SOCS4: variants seen among roughly 807,000 people sequenced by gnomAD.
SOCS4 encodes suppressor of cytokine signaling 4.
In SOCS4, 20 loss-of-function variants were observed where a neutral mutation model predicts 34.1. That is an observed-to-expected ratio of 0.59 (90% CI 0.41 to 0.85). SOCS4 has a LOEUF of 0.85. SOCS4 is among the 40% of genes least tolerant of loss of function. The probability of loss-of-function intolerance (pLI) is 0.00; values close to 1 mark genes in which losing one functional copy is unlikely to be tolerated. For synonymous variants in SOCS4, 180 were observed against 186.4 expected (o/e 0.97, Z 0.28); for missense variants, 479 against 532.4 (o/e 0.90, Z 0.99).
intron 1 of SOCS4, among the ~76,000 whole-genome samples, chr14:55,031,450 C>G (rs2042528157): frequency 6.6e-6 from 1 of 152,188 alleles, no homozygotes; most frequent in African/African-American, 2.4e-5. Flanking sequence ...CTCCTGGGAA[C>G]GTTTGCTAAA....
intron 2 of SOCS4, among the ~76,000 whole-genome samples, chr14:55,040,104 T>G (rs2140247026): frequency 6.6e-6 from 1 of 152,376 alleles, no homozygotes; most frequent in East Asian, 1.9e-4. Context: ...TTGTTGCTTC[T>G]AATTTTTGTT....
Position 55,047,817 on chromosome 14 carries a change from C to T in SOCS4, c.*3453C>T, listed in dbSNP as rs924773484. On this transcript the variant is annotated 3_prime_UTR_variant, in exon 3 of 3. Transcript: ENST00000555846. ...ATTATCATTTATTCATGAGCCAAAG[C>T]CATTAAGAAGATAAATCCAGTTATC... The T allele has an allele frequency of 1.1e-4, 18 of 167,186 alleles. No homozygotes were observed. Among genetic ancestry groups the T allele is most frequent in the African/African-American group, 4.1e-4 (17 of 41,570 alleles). The allele number at this position is 167,186 out of a possible 1,614,324, so 10.4% of individuals were successfully genotyped here. A position where few individuals can be genotyped will look rare whatever the true frequency, so the allele number is the denominator to read the frequency against.
At position 55,043,495 on chromosome 14, in the gene SOCS4, GCTC is replaced by G. The variant is rs1243504440; in HGVS notation, c.457_459del (p.Pro153del). 2 of 1,614,042 alleles carry G rather than the reference GCTC, an allele frequency of 1.2e-6. No individual in the cohort carries two copies. The highest frequency in any genetic ancestry group is 1.7e-6 in the Non-Finnish European group (2 of 1,180,038). On this transcript the variant is annotated inframe_deletion, in exon 3 of 3. Transcript: ENST00000555846. ...GTGGCATTTTATTAAACGACACACT[GCTC>G]CTATAAATTCCAAATCAGATGAATG...
chr14:55,038,083 G>A (rs1043841551), intron 2 of SOCS4, among the ~76,000 whole-genome samples: 3 of 152,184 alleles, frequency 2.0e-5, no homozygotes, highest in Admixed American at 6.5e-5. Context: ...GAAGGTGAAT[G>A]AGGAGCAAAG....
chr14:55,042,843 T>G, intron 2 of SOCS4, 109 bp from the exon 3 acceptor site: 1 of 511,186 alleles, frequency 2.0e-6, no homozygotes, highest in Non-Finnish European at 3.4e-6. Context: ...CAACATCTCT[T>G]TTTCATGTAC....
intron 2 of SOCS4, among the ~76,000 whole-genome samples, chr14:55,032,520 A>G (rs2042536717): frequency 6.6e-6 from 1 of 152,052 alleles, no homozygotes; most frequent in Admixed American, 6.6e-5. Context: ...TTTGCTCATT[A>G]AGAAATATGA....
chr14:55,044,033 T>C lies in SOCS4; in HGVS notation c.992T>C (p.Leu331Pro). 1.2e-6 allele frequency: 2 copies of C among 1,614,170 alleles called. No homozygotes were observed. Among genetic ancestry groups the C allele is most frequent in the Non-Finnish European group, 1.7e-6 (2 of 1,180,002 alleles). Residue 331 changes from leucine to proline, a missense_variant, in exon 3 of 3, where the codon CTT (leucine) becomes CCT (proline). Coordinates refer to ENST00000555846, the MANE Select transcript of SOCS4 (RefSeq NM_199421.2). Reference protein sequence around the residue: ...SVSFRRYSRSLHARIEQWNHN... With the variant: ...SVSFRRYSRSPHARIEQWNHN... ...AGTTTTAGACGCTATAGTCGTTCTC[T>C]TCATGCTAGAATTGAACAGTGGAAT...
chr14:55,037,031 A>G (rs111251602), intron 2 of SOCS4, among the ~76,000 whole-genome samples: 3,228 of 152,140 alleles, frequency 0.021, 111 homozygotes, highest in African/African-American at 0.074. Flanking sequence ...CAGGAGGATC[A>G]CTTGAGCCCT....
In SOCS4 at chr14:55,034,777, G is replaced by A. The variant is rs1466571408; in HGVS notation, c.-91+2786G>A. Among the ~76,000 whole-genome samples the A allele has an allele frequency of 6.7e-5, 10 of 149,878 alleles. No homozygotes were observed. In the South Asian group the frequency reaches 1.1e-3, roughly 16 times the overall value. ...CTTGCACCCAGGCAGCAGAGGTTGC[G>A]CCACTGCACTCCAGCCTGGGCGACA... On this transcript the variant is annotated intron_variant, in intron 2 of 2. Coordinates refer to ENST00000555846, the MANE Select transcript of SOCS4 (RefSeq NM_199421.2).
chr14:55,035,331 G>A (rs2042563494), intron 2 of SOCS4, among the ~76,000 whole-genome samples: 2 of 152,220 alleles, frequency 1.3e-5, no homozygotes, highest in African/African-American at 4.8e-5. Flanking sequence ...TGGGAGTCTT[G>A]CAAAAGAAAA....
chr14:55,045,804 G>T lies in SOCS4; in HGVS notation c.*1440G>T, dbSNP rs1397484544. 2 of 166,796 alleles carry T rather than the reference G, an allele frequency of 1.2e-5. No homozygotes were observed. The highest frequency in any genetic ancestry group is 4.8e-5 in the African/African-American group (2 of 41,400). The allele number at this position is 166,796 out of a possible 1,614,324, so 10.3% of individuals were successfully genotyped here. A position where few individuals can be genotyped will look rare whatever the true frequency, so the allele number is the denominator to read the frequency against. On this transcript the variant is annotated 3_prime_UTR_variant, in exon 3 of 3. Transcript: ENST00000555846. Reference sequence around the variant, plus strand: ...TAACTGATTTCTTGATGCTAGTTTAGCTATATTAGGAAACTGCTTCTACCT... The same window carrying T: ...TAACTGATTTCTTGATGCTAGTTTATCTATATTAGGAAACTGCTTCTACCT...
chr14:55,043,121 A>G lies in SOCS4; in HGVS notation c.80A>G (p.Lys27Arg). The change falls in exon 3 of 3, where the codon AAA (lysine) becomes AGA (arginine). Residue 27 changes from lysine (K) to arginine (R), a missense_variant. Lys to Arg is a conservative substitution (Grantham distance 26). Transcript: ENST00000555846. ...KTSRSRSADR[K>R]DGYVWSGKKL... is the part of the protein sequence containing the mutation. The stretch of plus-strand genomic sequence containing the variant: ...AGTCGGAGCAGAAGTGCCGACAGAA[A>G]AGACGGTTATGTGTGGAGTGGAAAG... 6.2e-7 allele frequency: 1 copy of G among 1,614,254 alleles called. No individual in the cohort carries two copies. The highest frequency in any genetic ancestry group is 1.3e-5 in the African/African-American group (1 of 75,072).
chr14:55,034,999 T>TACAG (rs1388069192), intron 2 of SOCS4, among the ~76,000 whole-genome samples: 1 of 151,948 alleles, frequency 6.6e-6, no homozygotes, highest in African/African-American at 2.4e-5. Context: ...TAGCTGGGAC[T>TACAG]ACAGGTGCAC....
At chr14:55,027,958 CTAAGTT>C (rs2042484306) in intron 1 of SOCS4, among the ~76,000 whole-genome samples, 1 of 152,202 alleles carries the variant, frequency 6.6e-6, no homozygotes, top group African/African-American at 2.4e-5. Flanking sequence ...GTCTTGGCCA[CTAAGTT>C]TAAGTTTATG....
rs1404059295 is a variant in SOCS4, at chr14:55,043,221, G to A, written c.180G>A (p.Val60=). Residue 60 remains valine (V), a synonymous_variant, in exon 3 of 3, where the codon GTG becomes GTA. Coordinates refer to ENST00000555846, the MANE Select transcript of SOCS4 (RefSeq NM_199421.2). ...ETVNGIEKTE[V]SLRNQERKHS... ...TGAATGGTATAGAGAAAACCGAAGT[G>A]TCTTTAAGGAACCAAGAAAGGAAGC... 1.2e-6 allele frequency: 2 copies of A among 1,614,108 alleles called. No individual in the cohort carries two copies. The highest frequency in any genetic ancestry group is 1.3e-5 in the African/African-American group (1 of 74,936).
In SOCS4 at chr14:55,046,958, A is replaced by G. The variant is rs1566758780; in HGVS notation, c.*2594A>G. 3 of 167,096 alleles carry G rather than the reference A, an allele frequency of 1.8e-5. No individual in the cohort carries two copies. The highest frequency in any genetic ancestry group is 1.3e-4 in the Admixed American group (2 of 15,290). The allele number at this position is 167,096 out of a possible 1,614,324, so 10.4% of individuals were successfully genotyped here. A position where few individuals can be genotyped will look rare whatever the true frequency, so the allele number is the denominator to read the frequency against. ...AACTAACCTATATAAAATGTAAACAATATATTGATTGCACTATATAAATGA... is the reference window on the plus strand; with the variant it reads ...AACTAACCTATATAAAATGTAAACAGTATATTGATTGCACTATATAAATGA... On this transcript the variant is annotated 3_prime_UTR_variant, in exon 3 of 3. Transcript: ENST00000555846.
intron 2 of SOCS4, among the ~76,000 whole-genome samples, chr14:55,035,404 A>T (rs948995771): frequency 6.6e-6 from 1 of 152,188 alleles, no homozygotes; most frequent in African/African-American, 2.4e-5. Flanking sequence ...CTGTAACTTC[A>T]TGGTCTATGA....
chr14:55,036,366 G>A (rs1228559651), intron 2 of SOCS4, among the ~76,000 whole-genome samples: 2 of 147,308 alleles, frequency 1.4e-5, no homozygotes, highest in African/African-American at 2.5e-5. Context: ...TTTTTGAGAT[G>A]AAGTCTCACT....
At position 55,045,643 on chromosome 14, in the gene SOCS4, A is replaced by AAAG. The variant is rs1397353290; in HGVS notation, c.*1280_*1282dup. 1.8e-5 allele frequency: 3 copies of AAAG among 166,932 alleles called. No individual in the cohort carries two copies. Among genetic ancestry groups the AAAG allele is most frequent in the African/African-American group, 7.2e-5 (3 of 41,476 alleles). The allele number at this position is 166,932 out of a possible 1,614,324, so 10.3% of individuals were successfully genotyped here. ...ACGTTTTTAGAAACATCTTTAGCCC[A>AAAG]AAGTAACTAGTAAAAATAAATGGAG... On this transcript the variant is annotated 3_prime_UTR_variant, in exon 3 of 3. Coordinates refer to ENST00000555846, the MANE Select transcript of SOCS4 (RefSeq NM_199421.2).
Sources: allele counts gnomAD v4.1 joint callset (sites outside exome capture counted in the v4.1 genomes callset), GRCh38; gene constraint gnomAD v4.1.1; transcripts MANE v1.5; gene names NCBI Gene and HGNC (gene_info 2026-07-23, HGNC 2026-07-21).